Variants in CCDC167 observed in about 807,000 individuals in gnomAD.
The protein encoded by CCDC167 is coiled-coil domain containing 167, also known as coiled-coil domain-containing protein 167.
Under a neutral mutation model 12.7 loss-of-function variants are expected in CCDC167, and 15 were observed. That is an observed-to-expected ratio of 1.18 (90% CI 0.79 to 1.81). The LOEUF is 1.81. Among genes scored for constraint, CCDC167 ranks in the 40% most tolerant of loss-of-function variants. The pLI, the probability that CCDC167 is intolerant of heterozygous loss-of-function variation, is 0.00. For synonymous variants in CCDC167, 52 were observed against 49.0 expected (o/e 1.06, Z -0.26); for missense variants, 121 against 120.1 (o/e 1.01, Z -0.03).
At chr6:37,494,795 C>T (rs1432481045) in intron 1 of CCDC167, among the ~76,000 whole-genome samples, 1 of 107,108 alleles carries the variant, frequency 9.3e-6, no homozygotes, top group African/African-American at 4.3e-5. Flanking sequence ...CAGTAGCCAC[C>T]TACCTACAAA....
At chr6:37,487,722 A>G (rs1442038479) in intron 1 of CCDC167, among the ~76,000 whole-genome samples, 1 of 152,216 alleles carries the variant, frequency 6.6e-6, no homozygotes, top group African/African-American at 2.4e-5. Flanking sequence ...TAAAATTTTG[A>G]GGTTGGCAAA....
chr6:37,483,789 G>A (rs1761902257), intron 3 of CCDC167, among the ~76,000 whole-genome samples: 1 of 152,204 alleles, frequency 6.6e-6, no homozygotes, highest in African/African-American at 2.4e-5. Flanking sequence ...GCCTGGTTGA[G>A]CAGAATCTAG....
At chr6:37,483,553 G>A (rs1280345595) in intron 3 of CCDC167, among the ~76,000 whole-genome samples, 2 of 152,232 alleles carry the variant, frequency 1.3e-5, no homozygotes, top group Non-Finnish European at 2.9e-5. Context: ...AGGGTGAGGT[G>A]GGTGAGGAGT....
At position 37,485,123 on chromosome 6, in the gene CCDC167, G is replaced by C. The variant is rs762557884; in HGVS notation, c.114C>G (p.Ser38Arg). The change falls in exon 2 of 4, where the codon AGC becomes AGG. Residue 38 changes from serine (S) to arginine (R), a missense_variant. Physicochemically the swap from Ser to Arg is moderately radical, Grantham distance 110 (BLOSUM62 -1). Coordinates refer to ENST00000373408, the MANE Select transcript of CCDC167 (RefSeq NM_138493.3). ...ACCTGGCCTCTGGGCTCAGCTCCCG[G>C]CTGTGGAGTCTGGAGTTCACGGCCT... ...DLEAVNSRLHSRELSPEARRS... is the reference protein window; with the variant it reads ...DLEAVNSRLHRRELSPEARRS... 1.1e-5 allele frequency: 17 copies of C among 1,613,104 alleles called. 1 individual carries two copies. In the South Asian group the frequency reaches 1.9e-4, roughly 18 times the overall value.
chr6:37,487,391 G>A (rs1278413301), intron 1 of CCDC167, among the ~76,000 whole-genome samples: 1 of 152,232 alleles, frequency 6.6e-6, no homozygotes, highest in East Asian at 1.9e-4. Flanking sequence ...GGCAAGGACA[G>A]ACGGTTTAGG....
Position 37,483,186 on chromosome 6 carries a change from T to C in CCDC167, c.294A>G (p.Ter98TrpextTer16). 3 of 1,611,794 alleles carry C rather than the reference T, an allele frequency of 1.9e-6. No homozygotes were observed. The highest frequency in any genetic ancestry group is 2.2e-5 in the South Asian group (2 of 91,038). Residue 98 changes from the stop codon to tryptophan, a stop_lost, in exon 4 of 4, where the codon TGA becomes TGG. Transcript: ENST00000373408. ...TGCTGGTTGTGGGGAAGTGCCAGGC[T>C]CACATGGTCCAGTAGGCATAGACGA... ...LTLVYAYWTM[*>W] is the part of the protein sequence containing the mutation.
rs776142021 is a variant in CCDC167 at position 37,484,870 on chromosome 6, G to A, written c.138-8C>T. 1.9e-6 allele frequency: 3 copies of A among 1,614,236 alleles called. No individual in the cohort carries two copies. Among genetic ancestry groups the A allele is most frequent in the Non-Finnish European group, 2.5e-6 (3 of 1,180,040 alleles). On this transcript the variant is annotated splice_region_variant and splice_polypyrimidine_tract_variant and intron_variant, in intron 2 of 3. Coordinates refer to ENST00000373408, the MANE Select transcript of CCDC167 (RefSeq NM_138493.3). The stretch of plus-strand genomic sequence containing the variant: ...TCCTTCTCCAGGGACCTCCTGTGAG[G>A]GGAAAGGAGCTTCATGGACCAAACC...
intron 1 of CCDC167, 73 bp from the exon 2 acceptor site, chr6:37,485,267 G>GC (rs1467772437): frequency 8.7e-7 from 1 of 1,156,032 alleles, no homozygotes; most frequent in African/African-American, 1.5e-5. Flanking sequence ...GGGAAGCAGG[G>GC]CCTCCGGGAG....
chr6:37,490,760 G>A (rs866866956), intron 1 of CCDC167, among the ~76,000 whole-genome samples: 8 of 152,174 alleles, frequency 5.3e-5, no homozygotes, highest in Non-Finnish European at 8.8e-5. Context: ...AAGTAGGGCC[G>A]TCAATCCTGC....
intron 1 of CCDC167, among the ~76,000 whole-genome samples, chr6:37,489,431 C>T (rs988402424): frequency 6.6e-6 from 1 of 152,160 alleles, no homozygotes; most frequent in Non-Finnish European, 1.5e-5. Flanking sequence ...CCAGCTCGCT[C>T]CGCTTACTCC....
rs891814552 is a variant in CCDC167 at position 37,484,629 on chromosome 6, A to C, written c.190+181T>G. Among the ~76,000 whole-genome samples, 18 of 152,218 alleles carry C rather than the reference A, an allele frequency of 1.2e-4. 1 individual carries two copies. The highest frequency in any genetic ancestry group is 3.9e-4 in the African/African-American group (16 of 41,450). On this transcript the variant is annotated intron_variant, in intron 3 of 3. Transcript: ENST00000373408. ...GTCTCATCCTCCCTTAGAACAAAGC[A>C]ACAAACCTGCTCTCCCGCAGGCTGC... is the stretch of plus-strand genomic sequence containing the variant.
At chr6:37,493,282 TG>T (rs1762046720) in intron 1 of CCDC167, among the ~76,000 whole-genome samples, 1 of 152,238 alleles carries the variant, frequency 6.6e-6, no homozygotes, top group South Asian at 2.1e-4. Context: ...CAGCTGTCCC[TG>T]GGCCGGAAGG....
intron 3 of CCDC167, among the ~76,000 whole-genome samples, chr6:37,483,872 A>AT (rs1265271727): frequency 6.6e-6 from 1 of 152,200 alleles, no homozygotes. Flanking sequence ...CTGCTGCTCT[A>AT]TGGCCACACT....
rs541490770 is a variant in CCDC167, at chr6:37,483,700, T to C, written c.191-411A>G. Among the ~76,000 whole-genome samples the C allele has an allele frequency of 3.3e-5, 5 of 152,306 alleles. No homozygotes were observed. In the South Asian group the frequency reaches 1.0e-3, roughly 32 times the overall value. ...CCGCCAACCAGAAACTGAGGGCACC[T>C]GGGGCCTCCTTGGGCCTGACAGTGG... On this transcript the variant is annotated intron_variant, in intron 3 of 3. Transcript: ENST00000373408.
chr6:37,499,718 C>T (rs1762141167), intron 1 of CCDC167, 104 bp downstream of exon 1: 3 of 1,309,304 alleles, frequency 2.3e-6, no homozygotes, highest in Non-Finnish European at 2.2e-6. Context: ...GCCCTCTCAT[C>T]CTACGCTTGG....
intron 1 of CCDC167, among the ~76,000 whole-genome samples, chr6:37,488,672 C>G (rs1761976401): frequency 6.6e-6 from 1 of 152,218 alleles, no homozygotes; most frequent in Admixed American, 6.5e-5. Flanking sequence ...GTGCCCCTGG[C>G]TCTGTCACTC....
At chr6:37,494,804 A>ATTTTTTTTTT (rs1561799989) in intron 1 of CCDC167, among the ~76,000 whole-genome samples, 3 of 44,934 alleles carry the variant, frequency 6.7e-5, no homozygotes, top group African/African-American at 5.2e-4. Context: ...CCTACCTACA[A>ATTTTTTTTTT]ATTTTTTTTT....
At chr6:37,498,833 AAAAG>A (rs1429502665) in intron 1 of CCDC167, among the ~76,000 whole-genome samples, 1 of 152,190 alleles carries the variant, frequency 6.6e-6, no homozygotes, top group Non-Finnish European at 1.5e-5. Context: ...TTAAAAAAAA[AAAAG>A]CAGATTCCTT....
chr6:37,497,255 T>C (rs899423404), intron 1 of CCDC167, among the ~76,000 whole-genome samples: 2 of 152,220 alleles, frequency 1.3e-5, no homozygotes, highest in South Asian at 4.1e-4. Flanking sequence ...GCCTCTAATA[T>C]TGAATTAGCA....
Sources: allele counts gnomAD v4.1 joint callset (sites outside exome capture counted in the v4.1 genomes callset), GRCh38; gene constraint gnomAD v4.1.1; transcripts MANE v1.5; gene names NCBI Gene and HGNC (gene_info 2026-07-23, HGNC 2026-07-21).